SPATA18: variants seen among roughly 807,000 people sequenced by gnomAD.
SPATA18 encodes the protein mitochondria-eating protein.
In SPATA18, 54 loss-of-function variants were observed where a neutral mutation model predicts 68.1. The ratio of observed to expected loss-of-function variants is 0.79; its 90% CI spans 0.64 to 0.99. The LOEUF (loss-of-function observed/expected upper bound fraction) is 0.99, where lower values mean the gene tolerates loss of function less well. Ranked by LOEUF, SPATA18 falls within the 50% of genes least tolerant of loss-of-function variation. The pLI, the probability that SPATA18 is intolerant of heterozygous loss-of-function variation, is 0.00. For missense variants in SPATA18, 724 were observed against 681.1 expected (o/e 1.06, Z -0.70); for synonymous variants, 242 against 244.8 (o/e 0.99, Z 0.11).
Position 52,057,882 on chromosome 4 carries a change from G to A in SPATA18, c.88-2537G>A, listed in dbSNP as rs148345117. 3.5e-3 allele frequency among the ~76,000 whole-genome samples: 534 copies of A among 152,300 alleles called. 5 individuals carry two copies. Among genetic ancestry groups the A allele is most frequent in the African/African-American group, 0.012 (509 of 41,568 alleles). On this transcript the variant is annotated intron_variant, in intron 1 of 12. Transcript: ENST00000295213. Reference sequence around the variant, plus strand: ...TCCACAAGGCATTATTATCCCCATTGCATGGGAGAGGAATGGGCTCAGAGA... The same window carrying A: ...TCCACAAGGCATTATTATCCCCATTACATGGGAGAGGAATGGGCTCAGAGA...
chr4:52,051,810 C>T lies in SPATA18; in HGVS notation c.87+19C>T, dbSNP rs771133931. On this transcript the variant is annotated intron_variant, in intron 1 of 12. Transcript: ENST00000295213. ...GTACAACGTGAGTCTGGGTGAAAAA[C>T]CCCCGGGGTTCGCCCTCCCATAGGT... 2.5e-6 allele frequency: 4 copies of T among 1,610,514 alleles called. No homozygotes were observed. Among genetic ancestry groups the T allele is most frequent in the African/African-American group, 1.3e-5 (1 of 74,818 alleles).
chr4:52,095,075 C>G lies in SPATA18; in HGVS notation c.*188C>G, dbSNP rs1044587127. On this transcript the variant is annotated 3_prime_UTR_variant, in exon 13 of 13. Transcript: ENST00000295213. ...TTTGTAACTTTAGATATATTGCATTCTATTTTATTTTATAGATACTAATTC... is the reference window on the plus strand; with the variant it reads ...TTTGTAACTTTAGATATATTGCATTGTATTTTATTTTATAGATACTAATTC... The G allele has an allele frequency of 3.2e-6, 2 of 622,406 alleles. No homozygotes were observed. The highest frequency in any genetic ancestry group is 2.8e-6 in the Non-Finnish European group (1 of 356,572). 38.6% of individuals were successfully genotyped at this position (622,406 alleles called of 1,614,324 possible). A position where few individuals can be genotyped will look rare whatever the true frequency, so the allele number is the denominator to read the frequency against.
rs766717547 is a variant in SPATA18, at chr4:52,062,240, A to C, written c.330A>C (p.Arg110Ser). The C allele has an allele frequency of 1.3e-6, 2 of 1,598,958 alleles. No individual in the cohort carries two copies. Among genetic ancestry groups the C allele is most frequent in the South Asian group, 2.2e-5 (2 of 89,284 alleles). The change falls in exon 4 of 13, where the codon AGA (arginine) becomes AGC (serine). Residue 110 changes from arginine (R) to serine (S), a missense_variant. Physicochemically the swap from Arg to Ser is moderately radical, Grantham distance 110. Transcript: ENST00000295213. ...TCCAGGACACGTTTGATAGGGAGAG[A>C]CATAAAGATCCCAGTCCTCGGGATC... ...PSLQDTFDRE[R>S]HKDPSPRDRD...
intron 5 of SPATA18, among the ~76,000 whole-genome samples, chr4:52,070,597 A>G (rs576980429): frequency 4.6e-5 from 7 of 152,162 alleles, no homozygotes; most frequent in African/African-American, 7.2e-5. Flanking sequence ...TGACGAGTTA[A>G]TGGGTGCAGC....
At chr4:52,067,713 T>C (rs1475255929) in intron 4 of SPATA18, among the ~76,000 whole-genome samples, 3 of 152,204 alleles carry the variant, frequency 2.0e-5, no homozygotes, top group Non-Finnish European at 2.9e-5. Flanking sequence ...GTGATCTGCT[T>C]TTCTCATAAT....
chr4:52,064,026 A>G (rs961034306), intron 4 of SPATA18, among the ~76,000 whole-genome samples: 4 of 152,170 alleles, frequency 2.6e-5, no homozygotes, highest in African/African-American at 9.7e-5. Context: ...AAGGGGTACC[A>G]TAGATCAAGA....
chr4:52,068,984 C>G (rs2109446800), intron 4 of SPATA18, among the ~76,000 whole-genome samples: 1 of 152,262 alleles, frequency 6.6e-6, no homozygotes, highest in Admixed American at 6.5e-5. Context: ...CCACCTCAGC[C>G]TCCTGAGTAG....
At chr4:52,090,997 C>CT (rs1338556447) in intron 11 of SPATA18, among the ~76,000 whole-genome samples, 1 of 151,722 alleles carries the variant, frequency 6.6e-6, no homozygotes, top group Non-Finnish European at 1.5e-5. Context: ...CCTTTTTATT[C>CT]TTTTTTCTCT....
chr4:52,079,377 G>A (rs1740709984), intron 8 of SPATA18, among the ~76,000 whole-genome samples: 2 of 152,142 alleles, frequency 1.3e-5, no homozygotes, highest in East Asian at 3.8e-4. Flanking sequence ...CTCAATAAAA[G>A]CAAACTATTA....
At chr4:52,071,783 C>G (rs1739864934) in intron 5 of SPATA18, 134 bp from the exon 6 acceptor site, 1 of 870,396 alleles carries the variant, frequency 1.1e-6, no homozygotes, top group Non-Finnish European at 1.7e-6. Context: ...TCAGAGTTTC[C>G]CAATGCAATA....
chr4:52,082,300 CA>C (rs1740996438), intron 9 of SPATA18, 86 bp from the exon 10 acceptor site: 6 of 1,271,342 alleles, frequency 4.7e-6, no homozygotes, highest in Non-Finnish European at 6.8e-6. Context: ...GAGCATAATA[CA>C]AAATGAGAAT....
At chr4:52,058,831 A>G (rs917617659) in intron 1 of SPATA18, among the ~76,000 whole-genome samples, 4 of 152,148 alleles carry the variant, frequency 2.6e-5, no homozygotes, top group Non-Finnish European at 5.9e-5. Context: ...CTGATAATTT[A>G]CTAGCTGGGT....
intron 1 of SPATA18, among the ~76,000 whole-genome samples, chr4:52,052,525 A>G (rs1578138065): frequency 6.6e-6 from 1 of 151,988 alleles, no homozygotes; most frequent in Non-Finnish European, 1.5e-5. Context: ...TTTGCTTTAC[A>G]TTCGGTCGGT....
At chr4:52,074,443 T>G (rs1346173919) in intron 6 of SPATA18, among the ~76,000 whole-genome samples, 1 of 151,806 alleles carries the variant, frequency 6.6e-6, no homozygotes, top group African/African-American at 2.4e-5. Context: ...GCTGGTTGGG[T>G]GAGTGGGGGG....
intron 9 of SPATA18, among the ~76,000 whole-genome samples, chr4:52,081,695 A>T (rs766836209): frequency 1.8e-4 from 28 of 152,206 alleles, no homozygotes; most frequent in Non-Finnish European, 2.9e-4. Context: ...TGACTAAACC[A>T]TATATCTCCT....
intron 6 of SPATA18, among the ~76,000 whole-genome samples, chr4:52,075,528 G>T (rs1740260823): frequency 6.6e-6 from 1 of 152,196 alleles, no homozygotes; most frequent in Admixed American, 6.5e-5. Context: ...TGTATGGCCA[G>T]AATTGATAGG....
At chr4:52,073,997 T>C (rs891894227) in intron 6 of SPATA18, among the ~76,000 whole-genome samples, 1 of 152,236 alleles carries the variant, frequency 6.6e-6, no homozygotes, top group Non-Finnish European at 1.5e-5. Context: ...CAGTATTTGC[T>C]AAGGCCAGTA....
rs372554185 is a variant in SPATA18, at chr4:52,094,892, A to G, written c.*5A>G. ...TTTTTCTCCCTAGGATTTTAAAAGC[A>G]CCAGACCTGCTCCTTTGACCCAGTG... On this transcript the variant is annotated 3_prime_UTR_variant, in exon 13 of 13. Coordinates refer to ENST00000295213, the MANE Select transcript of SPATA18 (RefSeq NM_145263.4). 7.4e-6 allele frequency: 12 copies of G among 1,613,950 alleles called. No homozygotes were observed. In the African/African-American group the frequency reaches 1.5e-4, roughly 20 times the overall value.
chr4:52,052,564 CATA>C lies in SPATA18; in HGVS notation c.87+778_87+780del, dbSNP rs1737993071. ...TCTTAAATAGGGATTTCCCCTCTTA[CATA>C]ATAAGTGGAGCGGCCAGGCAAAAGA... On this transcript the variant is annotated intron_variant, in intron 1 of 12. Transcript: ENST00000295213. 2.0e-5 allele frequency among the ~76,000 whole-genome samples: 3 copies of C among 152,170 alleles called. No individual in the cohort carries two copies. The South Asian group carries it at 6.2e-4, about 32-fold the overall frequency.
Sources: gnomAD v4.1 joint callset for allele counts (sites outside exome capture counted in the v4.1 genomes callset) on GRCh38, gnomAD v4.1.1 for gene constraint, MANE v1.5 for transcripts, NCBI Gene and HGNC (gene_info 2026-07-23, HGNC 2026-07-21) for gene names.